SLC12A1: variants seen among roughly 807,000 people sequenced by gnomAD.
SLC12A1 encodes the protein solute carrier family 12 member 1.
In SLC12A1, 89 loss-of-function variants were observed where a neutral mutation model predicts 130.4. The observed-to-expected ratio is 0.68, with a 90% CI of 0.58 to 0.81. The LOEUF (loss-of-function observed/expected upper bound fraction) is 0.81, where lower values mean the gene tolerates loss of function less well. SLC12A1 is among the 40% of genes least tolerant of loss of function. The pLI, the probability that SLC12A1 is intolerant of heterozygous loss-of-function variation, is 0.00. For missense variants in SLC12A1, 1,310 were observed against 1,336.4 expected, an observed-to-expected ratio of 0.98 and a Z score of 0.31; for synonymous variants, 499 against 460.0, an observed-to-expected ratio of 1.08 and a Z score of -1.09.
At chr15:48,220,177 A>AGAT (rs1425396806) in intron 2 of SLC12A1, among the ~76,000 whole-genome samples, 2 of 150,586 alleles carry the variant, frequency 1.3e-5, no homozygotes, top group African/African-American at 5.0e-5. Flanking sequence ...ATAGATAGAT[A>AGAT]GATAGATAAA....
intron 4 of SLC12A1, chr15:48,222,248 C>G (rs1271616953): frequency 2.0e-5 from 3 of 152,096 alleles, no homozygotes; most frequent in Non-Finnish European, 4.4e-5. Context: ...AGAAACATTA[C>G]TTTGTTTGGA....
chr15:48,228,057 G>C (rs952129211), intron 5 of SLC12A1: 2 of 152,074 alleles, frequency 1.3e-5, no homozygotes, highest in Admixed American at 1.3e-4. Flanking sequence ...AAGTAATTTT[G>C]TTTTGTCTTT....
chr15:48,215,397 C>A (rs930795772), intron 2 of SLC12A1, among the ~76,000 whole-genome samples: 2 of 152,050 alleles, frequency 1.3e-5, no homozygotes, highest in African/African-American at 4.8e-5. Flanking sequence ...AGTTAAAATT[C>A]TTAGTAAATA....
intron 24 of SLC12A1, among the ~76,000 whole-genome samples, chr15:48,292,645 T>G (rs1464934801): frequency 2.0e-5 from 3 of 152,210 alleles, no homozygotes; most frequent in African/African-American, 7.2e-5. Flanking sequence ...GCTAAATTAC[T>G]CAGTTCCCTT....
chr15:48,274,603 T>C lies in SLC12A1; in HGVS notation c.2435T>C (p.Ile812Thr), dbSNP rs201516084. The C allele has an allele frequency of 4.3e-5, 70 of 1,613,272 alleles. No individual in the cohort carries two copies. The East Asian group carries it at 1.2e-3, about 29-fold the overall frequency. ...DAFDFEIGVV[I>T]VRISQGFDIS... ...TTTGATTTTGAGATTGGCGTGGTTA[T>C]AGTCAGAATCAGCCAAGGATTTGAC... Residue 812 changes from isoleucine to threonine, a missense_variant, in exon 20 of 27, where the codon ATA becomes ACA. Coordinates refer to ENST00000380993, the MANE Select transcript of SLC12A1 (RefSeq NM_000338.3).
intron 7 of SLC12A1, among the ~76,000 whole-genome samples, chr15:48,231,959 C>A (rs151144604): frequency 2.0e-5 from 3 of 151,962 alleles, no homozygotes; most frequent in African/African-American, 7.3e-5. Context: ...TGCAGTGAGC[C>A]GAGATCGTGC....
At chr15:48,250,823 G>A (rs1206102219) in intron 14 of SLC12A1, among the ~76,000 whole-genome samples, 2 of 152,126 alleles carry the variant, frequency 1.3e-5, no homozygotes, top group Non-Finnish European at 2.9e-5. Context: ...AAGTTCTGCT[G>A]TGTTTTGGCA....
Position 48,300,496 on chromosome 15 carries a change from G to A in SLC12A1, c.3097-819G>A, listed in dbSNP as rs545761571. On this transcript the variant is annotated intron_variant, in intron 25 of 26. Coordinates refer to ENST00000380993, the MANE Select transcript of SLC12A1 (RefSeq NM_000338.3). ...GGGCCCACGAGCTTCAGAGAGCCTCGCTTGGACTGACTGCCCACCATGCCC... is the reference window on the plus strand; with the variant it reads ...GGGCCCACGAGCTTCAGAGAGCCTCACTTGGACTGACTGCCCACCATGCCC... 3.9e-5 allele frequency among the ~76,000 whole-genome samples: 6 copies of A among 152,200 alleles called. No individual in the cohort carries two copies. The East Asian group carries it at 9.6e-4, about 24-fold the overall frequency.
chr15:48,243,263 A>C (rs2041538814), intron 10 of SLC12A1, among the ~76,000 whole-genome samples: 1 of 152,124 alleles, frequency 6.6e-6, no homozygotes, highest in African/African-American at 2.4e-5. Flanking sequence ...ATTGACATCC[A>C]TAATTTCAAG....
At chr15:48,227,173 A>G in intron 5 of SLC12A1, 1 of 1,540,828 alleles carries the variant, frequency 6.5e-7, no homozygotes, top group Non-Finnish European at 8.8e-7. Context: ...TAGTAAGAGG[A>G]GGTAAGCCAA....
rs2042046301 is a variant in SLC12A1, at chr15:48,285,318, C to A, written c.2629+69C>A. 3.4e-6 allele frequency: 5 copies of A among 1,471,446 alleles called. No homozygotes were observed. In the South Asian group the frequency reaches 6.0e-5, roughly 18 times the overall value. The allele number at this position is 1,471,446 out of a possible 1,614,324, so 91.1% of individuals were successfully genotyped here. A position where few individuals can be genotyped will look rare whatever the true frequency, so the allele number is the denominator to read the frequency against. ...CACTATTTGAGCATCTATGAAGAGT[C>A]CGAAGTCAGCATCTAAGATGTTGGG... On this transcript the variant is annotated intron_variant, in intron 21 of 26. Transcript: ENST00000380993.
intron 18 of SLC12A1, among the ~76,000 whole-genome samples, chr15:48,269,101 T>C (rs570718902): frequency 6.6e-6 from 1 of 152,318 alleles, no homozygotes; most frequent in East Asian, 1.9e-4. Context: ...AGCTGTATGC[T>C]GTCATCTAAT....
intron 9 of SLC12A1, among the ~76,000 whole-genome samples, chr15:48,236,068 T>A (rs1239132623): frequency 6.7e-6 from 1 of 148,224 alleles, no homozygotes; most frequent in Non-Finnish European, 1.5e-5. Flanking sequence ...TGAGGACATA[T>A]ATCGGGGACA....
At chr15:48,284,640 T>C (rs2042038743) in intron 20 of SLC12A1, among the ~76,000 whole-genome samples, 1 of 150,956 alleles carries the variant, frequency 6.6e-6, no homozygotes. Context: ...GATACATTAC[T>C]TTTTCTCTTT....
chr15:48,236,424 G>T (rs949366603), intron 9 of SLC12A1, among the ~76,000 whole-genome samples: 1 of 152,180 alleles, frequency 6.6e-6, no homozygotes, highest in East Asian at 1.9e-4. Flanking sequence ...GGAAACTGGG[G>T]ACAGTGAGAA....
rs36099405 is a variant in SLC12A1, at chr15:48,244,068, T to C, written c.1301-685T>C. On this transcript the variant is annotated intron_variant, in intron 10 of 26. Transcript: ENST00000380993. ...AATCTATCCTAGAAGAAAAAGTTTA[T>C]GCACAAAGACGTTCATCATAGAATG... is the stretch of plus-strand genomic sequence containing the variant. Among the ~76,000 whole-genome samples, 476 of 152,326 alleles carry C rather than the reference T, an allele frequency of 3.1e-3. 4 individuals are homozygous for C. The highest frequency in any genetic ancestry group is 0.011 in the African/African-American group (452 of 41,572).
chr15:48,292,975 G>A (rs2042137098), intron 24 of SLC12A1, among the ~76,000 whole-genome samples: 1 of 152,148 alleles, frequency 6.6e-6, no homozygotes, highest in Non-Finnish European at 1.5e-5. Context: ...GAGTGTAGCA[G>A]TGCAATCTCA....
intron 9 of SLC12A1, among the ~76,000 whole-genome samples, chr15:48,240,050 C>CATATATATATATATATATATATATCCAT (rs374160430): frequency 3.1e-4 from 2 of 6,408 alleles, no homozygotes. Context: ...TATATATATC[C>CATATATATATATATATATATATATCCAT]ATATATATAT....
intron 2 of SLC12A1, among the ~76,000 whole-genome samples, chr15:48,210,294 C>A (rs2041036646): frequency 6.6e-6 from 1 of 152,172 alleles, no homozygotes; most frequent in Non-Finnish European, 1.5e-5. Context: ...CAATACTCTA[C>A]CACGTCACAC....
Sources: allele counts gnomAD v4.1 joint callset (sites outside exome capture counted in the v4.1 genomes callset), GRCh38; gene constraint gnomAD v4.1.1; transcripts MANE v1.5; gene names NCBI Gene and HGNC (gene_info 2026-07-23, HGNC 2026-07-21).